The following DNAJC1 variants were observed in gnomAD, a reference collection of about 807,000 sequenced individuals.
DNAJC1 encodes dnaJ homolog subfamily C member 1.
DNAJC1 carries 58 observed loss-of-function variants against 76.6 expected under a neutral mutation model. That is an observed-to-expected ratio of 0.76 (90% CI 0.61 to 0.94). The LOEUF is 0.94. Among genes scored for constraint, DNAJC1 ranks in the 40% least tolerant of loss-of-function variants. DNAJC1 has a pLI of 0.00. For missense variants in DNAJC1, 689 were observed against 677.3 expected, an observed-to-expected ratio of 1.02 and a Z score of -0.19; for synonymous variants, 258 against 267.9, an observed-to-expected ratio of 0.96 and a Z score of 0.36.
chr10:21,841,962 C>A (rs1590009603), intron 8 of DNAJC1, among the ~76,000 whole-genome samples: 1 of 151,694 alleles, frequency 6.6e-6, no homozygotes, highest in Admixed American at 6.6e-5. Context: ...ATGGATGAAA[C>A]TGGAAACCAT....
intron 9 of DNAJC1, among the ~76,000 whole-genome samples, chr10:21,795,527 T>A (rs72802964): frequency 0.034 from 5,114 of 151,994 alleles, 142 homozygotes; most frequent in African/African-American, 0.073. Context: ...AGAAAATAGA[T>A]CAGTGTAGCC....
intron 1 of DNAJC1, among the ~76,000 whole-genome samples, chr10:21,991,027 T>C (rs1375643034): frequency 6.6e-6 from 1 of 152,152 alleles, no homozygotes; most frequent in African/African-American, 2.4e-5. Context: ...CTGATTGGTA[T>C]TATAAAGAGC....
intron 3 of DNAJC1, among the ~76,000 whole-genome samples, chr10:21,927,982 G>T (rs139428888): frequency 6.6e-6 from 1 of 152,316 alleles, no homozygotes; most frequent in East Asian, 1.9e-4. Flanking sequence ...GGAGGCAAAA[G>T]AAATAGATGC....
At chr10:21,865,727 G>T (rs899217071) in intron 8 of DNAJC1, 1 of 151,932 alleles carries the variant, frequency 6.6e-6, no homozygotes, top group African/African-American at 2.4e-5. Context: ...TATATCATTG[G>T]TATATCAATA....
In DNAJC1 at chr10:21,759,538, T is replaced by G; in HGVS notation, c.1228A>C (p.Met410Leu). Residue 410 changes from methionine to leucine, a missense_variant, in exon 11 of 12, where the codon ATG (methionine) becomes CTG (leucine). Met to Leu is a conservative substitution (Grantham distance 15, BLOSUM62 2). Coordinates refer to ENST00000376980, the MANE Select transcript of DNAJC1 (RefSeq NM_022365.4). The stretch of plus-strand genomic sequence containing the variant: ...TCTGCGTCCTCTCGCTGGGTGATCA[T>G]GTCATCGGGCAAGGTGGTGGCCGTT... ...IKTATTLPDD[M>L]ITQREDAEGV... The G allele has an allele frequency of 6.2e-7, 1 of 1,614,164 alleles. No individual in the cohort carries two copies. Among genetic ancestry groups the G allele is most frequent in the Non-Finnish European group, 8.5e-7 (1 of 1,180,032 alleles).
chr10:21,958,426 T>C (rs1837728876), intron 1 of DNAJC1, among the ~76,000 whole-genome samples: 1 of 149,952 alleles, frequency 6.7e-6, no homozygotes. Context: ...TCTCCACAGA[T>C]TTGTCTTTTT....
intron 8 of DNAJC1, among the ~76,000 whole-genome samples, chr10:21,832,529 T>G (rs534739792): frequency 6.6e-6 from 1 of 152,318 alleles, no homozygotes; most frequent in Admixed American, 6.5e-5. Context: ...ATTTTTTTAA[T>G]GGTAACTGTC....
At chr10:21,852,092 TACACAC>T (rs58289439) in intron 8 of DNAJC1, among the ~76,000 whole-genome samples, 28,346 of 145,946 alleles carry the variant, frequency 0.19, 3,136 homozygotes, top group East Asian at 0.38. Context: ...AATTGTGAGA[TACACAC>T]ACACACACAC....
intron 8 of DNAJC1, among the ~76,000 whole-genome samples, chr10:21,849,965 A>G (rs1835726896): frequency 6.6e-6 from 1 of 152,166 alleles, no homozygotes; most frequent in South Asian, 2.1e-4. Flanking sequence ...GAAGGAAACT[A>G]CCTCAACATA....
intron 9 of DNAJC1, among the ~76,000 whole-genome samples, chr10:21,787,669 C>A (rs939877493): frequency 6.6e-5 from 10 of 152,318 alleles, no homozygotes; most frequent in African/African-American, 2.2e-4. Flanking sequence ...CCACTCCATC[C>A]CCCAGCCAGG....
chr10:21,767,220 G>C (rs988605043), intron 9 of DNAJC1, among the ~76,000 whole-genome samples: 2 of 152,024 alleles, frequency 1.3e-5, no homozygotes, highest in Non-Finnish European at 2.9e-5. Context: ...TGATGGAGTG[G>C]GGCAGCTGCA....
chr10:21,864,544 C>T (rs993212865), intron 8 of DNAJC1, among the ~76,000 whole-genome samples: 3 of 151,858 alleles, frequency 2.0e-5, no homozygotes, highest in African/African-American at 7.3e-5. Flanking sequence ...ATTGCTTGAA[C>T]CCGGGGGGTG....
chr10:21,781,287 T>C (rs1589977773), intron 9 of DNAJC1, among the ~76,000 whole-genome samples: 1 of 152,190 alleles, frequency 6.6e-6, no homozygotes, highest in Non-Finnish European at 1.5e-5. Context: ...ATCATATACA[T>C]TCTTCTCAGC....
At chr10:21,780,063 T>C (rs898123857) in intron 9 of DNAJC1, among the ~76,000 whole-genome samples, 1 of 152,000 alleles carries the variant, frequency 6.6e-6, no homozygotes, top group African/African-American at 2.4e-5. Flanking sequence ...TAAAAAGAAA[T>C]GAACAAAGCC....
intron 1 of DNAJC1, among the ~76,000 whole-genome samples, chr10:21,945,934 TA>T (rs67631275): frequency 0.78 from 118,253 of 151,604 alleles, 46,926 homozygotes; most frequent in East Asian, 0.99. Context: ...TGTTTCTTCA[TA>T]AATTCCAACT....
intron 8 of DNAJC1, 35 bp downstream of exon 8, chr10:21,882,244 ATGT>A: frequency 6.4e-7 from 1 of 1,560,708 alleles, no homozygotes; most frequent in Non-Finnish European, 8.6e-7. Context: ...TTTTCTGTAC[ATGT>A]TTTACTCAAA....
At chr10:21,825,405 G>T (rs1042227557) in intron 8 of DNAJC1, among the ~76,000 whole-genome samples, 2 of 152,148 alleles carry the variant, frequency 1.3e-5, no homozygotes, top group African/African-American at 4.8e-5. Flanking sequence ...TCCGTTGTAT[G>T]TATATAGCAT....
intron 8 of DNAJC1, among the ~76,000 whole-genome samples, chr10:21,879,094 A>T (rs1008515404): frequency 6.6e-6 from 1 of 152,218 alleles, no homozygotes; most frequent in Admixed American, 6.5e-5. Flanking sequence ...GAATGTCATC[A>T]TCTTTGTGGA....
chr10:21,774,619 C>T (rs984476256), intron 9 of DNAJC1, among the ~76,000 whole-genome samples: 6 of 152,236 alleles, frequency 3.9e-5, no homozygotes, highest in African/African-American at 7.2e-5. Context: ...GGACTAAAGG[C>T]GCCCACCACC....
Sources: allele counts gnomAD v4.1 joint callset (sites outside exome capture counted in the v4.1 genomes callset), GRCh38; gene constraint gnomAD v4.1.1; transcripts MANE v1.5; gene names NCBI Gene and HGNC (gene_info 2026-07-23, HGNC 2026-07-21).